IGSF10: variants seen among roughly 807,000 people sequenced by gnomAD.
IGSF10 encodes the protein calvaria mechanical force protein 608.
IGSF10 carries 126 observed loss-of-function variants against 128.2 expected under a neutral mutation model. The ratio of observed to expected loss-of-function variants is 0.98; its 90% CI spans 0.85 to 1.14. The LOEUF (loss-of-function observed/expected upper bound fraction) is 1.14. Among genes scored for constraint, IGSF10 ranks in the 50% most tolerant of loss-of-function variants. The pLI, the probability that IGSF10 is intolerant of heterozygous loss-of-function variation, is 0.00. For missense variants in IGSF10, 3,295 were observed against 3,149.8 expected, an observed-to-expected ratio of 1.05 and a Z score of -1.10; for synonymous variants, 1,185 against 1,146.2, an observed-to-expected ratio of 1.03 and a Z score of -0.68.
At chr3:151,576,128 T>C in the IGSF10 span, among the ~76,000 whole-genome samples, 1 of 151,876 alleles carries the variant, frequency 6.6e-6, no homozygotes, top group Non-Finnish European at 1.5e-5. Flanking sequence ...TTTTTCTTAA[T>C]TTACCTCTTC....
At chr3:151,556,079 C>T in the IGSF10 span, among the ~76,000 whole-genome samples, 2 of 152,296 alleles carry the variant, frequency 1.3e-5, no homozygotes, top group African/African-American at 4.8e-5. Flanking sequence ...GACGGAACTG[C>T]TCTAGGGCTA....
Position 151,437,428 on chromosome 3 carries a change from C to T in IGSF10, c.7133G>A (p.Arg2378Gln), listed in dbSNP as rs1160587790. 1.2e-6 allele frequency: 2 copies of T among 1,614,196 alleles called. No individual in the cohort carries two copies. The highest frequency in any genetic ancestry group is 1.7e-6 in the Non-Finnish European group (2 of 1,180,028). ...EIIWILPNGT[R>Q]FSNGPQSYQY... ...ATAACTTTGTGGTCCATTGGAAAAT[C>T]GTGTGCCATTTGGTAAAATCCAGAT... Residue 2378 changes from arginine (R) to glutamine (Q), a missense_variant, in exon 8 of 8, where the codon CGA becomes CAA. By Grantham distance (43) the Arg-to-Gln change is conservative. Transcript: ENST00000282466.
At chr3:151,525,002 CTTTTTTTTTTTTTTTTTTTTTTTTT>C in the IGSF10 span, among the ~76,000 whole-genome samples, 6 of 49,692 alleles carry the variant, frequency 1.2e-4, no homozygotes, top group East Asian at 8.2e-4. Flanking sequence ...TGCATTACAC[CTTTTTTTTTTTTTTTTTTTTTTTTT>C]TTTTTTTTTT....
the IGSF10 span, among the ~76,000 whole-genome samples, chr3:151,504,120 G>T: frequency 6.6e-6 from 1 of 152,100 alleles, no homozygotes; most frequent in African/African-American, 2.4e-5. Context: ...CTGGCCCCAG[G>T]CAAGAAGAAG....
the IGSF10 span, among the ~76,000 whole-genome samples, chr3:151,491,783 T>C: frequency 1.3e-5 from 2 of 152,006 alleles, no homozygotes; most frequent in Non-Finnish European, 2.9e-5. Context: ...AGGGAATACT[T>C]CCAAACACAT....
At chr3:151,617,320 C>CTTCTTTTTCTTCT in the IGSF10 span, among the ~76,000 whole-genome samples, 1 of 83,580 alleles carries the variant, frequency 1.2e-5, no homozygotes, top group African/African-American at 5.3e-5. Flanking sequence ...CTTCTTCTTC[C>CTTCTTTTTCTTCT]CCTCCTCCTC....
At position 151,453,736 on chromosome 3, in the gene IGSF10, C is replaced by A; in HGVS notation, c.363G>T (p.Gln121His). The change falls in exon 5 of 8, where the codon CAG (glutamine) becomes CAT (histidine). Residue 121 changes from glutamine (Q) to histidine (H), a missense_variant. Coordinates refer to ENST00000282466, the MANE Select transcript of IGSF10 (RefSeq NM_178822.5). ...KMSYNKVRKL[Q>H]KDTFYGLRSL... The stretch of plus-strand genomic sequence containing the variant: ...TCCTGAGGCCATAAAAAGTATCTTT[C>A]TGAAGTTTTCGGACTTTATTATAGC... The A allele has an allele frequency of 6.3e-7, 1 of 1,588,324 alleles. No individual in the cohort carries two copies. Among genetic ancestry groups the A allele is most frequent in the Non-Finnish European group, 8.6e-7 (1 of 1,165,970 alleles).
At chr3:151,530,045 C>T in the IGSF10 span, among the ~76,000 whole-genome samples, 7 of 151,596 alleles carry the variant, frequency 4.6e-5, no homozygotes, top group Admixed American at 6.6e-5. Flanking sequence ...AAACACAGCA[C>T]GAGAACTTCA....
At position 151,445,996 on chromosome 3, in the gene IGSF10, C is replaced by CAG; in HGVS notation, c.3983_3984dup (p.Val1329LeufsTer47). ...TCTGTTTGGGTTTCATAAGTGATGA[C>CAG]AGATGCAGGGAAGGTAGGAGTTGTT... On this transcript the variant is annotated frameshift_variant, in exon 6 of 8. Transcript: ENST00000282466. LOFTEE classifies it high-confidence loss of function. 1 of 1,614,128 alleles carries CAG rather than the reference C, an allele frequency of 6.2e-7. No individual in the cohort carries two copies. Among genetic ancestry groups the CAG allele is most frequent in the South Asian group, 1.1e-5 (1 of 91,070 alleles).
the IGSF10 span, among the ~76,000 whole-genome samples, chr3:151,588,825 C>T: frequency 2.0e-5 from 3 of 152,092 alleles, no homozygotes; most frequent in Non-Finnish European, 4.4e-5. Context: ...AAGTAAAATG[C>T]AGAAGCAACA....
chr3:151,458,848 A>G (rs956489248), intron 2 of IGSF10, 138 bp from the exon 3 acceptor site: 1 of 640,790 alleles, frequency 1.6e-6, no homozygotes, highest in African/African-American at 1.8e-5. Flanking sequence ...CTTTGTGGTC[A>G]TATGCACTCT....
chr3:151,513,554 C>G, the IGSF10 span, among the ~76,000 whole-genome samples: 1 of 152,114 alleles, frequency 6.6e-6, no homozygotes, highest in Non-Finnish European at 1.5e-5. Context: ...CCTTTGAAAA[C>G]TGGCACAAGA....
At chr3:151,512,652 CAA>C in the IGSF10 span, among the ~76,000 whole-genome samples, 4 of 151,434 alleles carry the variant, frequency 2.6e-5, no homozygotes, top group Non-Finnish European at 5.9e-5. Flanking sequence ...AAAAACCCTT[CAA>C]AAAAAATCAA....
In IGSF10 at chr3:151,445,136, G is replaced by A. The variant is rs774160550; in HGVS notation, c.4845C>T (p.Asn1615=). The A allele has an allele frequency of 5.5e-5, 88 of 1,614,032 alleles. 1 individual carries two copies. The highest frequency in any genetic ancestry group is 1.4e-4 in the South Asian group (13 of 91,082). ...TCTTATCAAAGTCACTCTTCTTTGT[G>A]TTCTTCTGTCCATCCCAATCTGAAA... ...TLVSDWDGQK[N]TKKSDFDKKP... The change falls in exon 6 of 8, where the codon AAC becomes AAT. Residue 1615 remains asparagine, a synonymous_variant. Coordinates refer to ENST00000282466, the MANE Select transcript of IGSF10 (RefSeq NM_178822.5).
chr3:151,581,265 C>T, the IGSF10 span, among the ~76,000 whole-genome samples: 6 of 152,048 alleles, frequency 3.9e-5, no homozygotes, highest in South Asian at 8.3e-4. Context: ...CAACTTAGAC[C>T]CCAACAGCTT....
At chr3:151,553,421 A>G in the IGSF10 span, among the ~76,000 whole-genome samples, 1 of 152,114 alleles carries the variant, frequency 6.6e-6, no homozygotes, top group Non-Finnish European at 1.5e-5. Context: ...AGTAGCTATT[A>G]AAATTGTCAA....
chr3:151,437,800 T>C lies in IGSF10; in HGVS notation c.6761A>G (p.His2254Arg). Residue 2254 changes from histidine (H) to arginine (R), a missense_variant, in exon 8 of 8, where the codon CAT becomes CGT. Physicochemically the swap from His to Arg is conservative, Grantham distance 29. Transcript: ENST00000282466. ...RTVIKATAVRHSKKHFDCRAE... is the reference protein window; with the variant it reads ...RTVIKATAVRRSKKHFDCRAE... ...TCTGCAGTCAAAGTGTTTTTTGGAA[T>C]GTCTCACAGCTGTGGCTTTAATAAC... 1 of 1,613,976 alleles carries C rather than the reference T, an allele frequency of 6.2e-7. No homozygotes were observed. The highest frequency in any genetic ancestry group is 1.3e-5 in the African/African-American group (1 of 75,064).
the IGSF10 span, among the ~76,000 whole-genome samples, chr3:151,476,332 T>C: frequency 2.0e-5 from 3 of 152,040 alleles, no homozygotes; most frequent in African/African-American, 7.2e-5. Context: ...ACAACACGAA[T>C]AGGTGTGGAG....
chr3:151,574,177 A>G, the IGSF10 span, among the ~76,000 whole-genome samples: 4 of 152,080 alleles, frequency 2.6e-5, no homozygotes, highest in African/African-American at 9.6e-5. Context: ...ACCTTGTTGC[A>G]CCTGACAATT....
Sources: gnomAD v4.1 joint callset for allele counts (sites outside exome capture counted in the v4.1 genomes callset) on GRCh38, gnomAD v4.1.1 for gene constraint, MANE v1.5 for transcripts, NCBI Gene and HGNC (gene_info 2026-07-23, HGNC 2026-07-21) for gene names.